ARPP21: variants seen among roughly 807,000 people sequenced by gnomAD.
ARPP21 encodes the protein cAMP-regulated phosphoprotein 21.
In ARPP21, 69 loss-of-function variants were observed where a neutral mutation model predicts 113.2. The observed-to-expected ratio is 0.61, with a 90% CI of 0.50 to 0.74. The LOEUF is 0.74. Among genes scored for constraint, ARPP21 ranks in the 30% least tolerant of loss-of-function variants. The pLI is 0.00. For missense variants in ARPP21, 1,070 were observed against 1,037.4 expected (o/e 1.03, Z -0.43); for synonymous variants, 368 against 375.5 (o/e 0.98, Z 0.23).
At chr3:35,670,630 G>C (rs1404738276) in intron 1 of ARPP21, among the ~76,000 whole-genome samples, 8 of 151,952 alleles carry the variant, frequency 5.3e-5, no homozygotes. Flanking sequence ...GCCACAGATG[G>C]ACCCAGAGCC....
In ARPP21 at chr3:35,781,662, T is replaced by G. The variant is rs140112172; in HGVS notation, c.2138-10720T>G. On this transcript the variant is annotated intron_variant, in intron 19 of 20. Coordinates refer to ENST00000684406, the MANE Select transcript of ARPP21 (RefSeq NM_001385562.1). ...GTTACCAAGGAAAATCATGATCTAG[T>G]TGATTATGTACATGAAAAGAAAGTA... The G allele has an allele frequency of 7.9e-5, 12 of 152,322 alleles. No individual in the cohort carries two copies. In the East Asian group the frequency reaches 2.1e-3, roughly 27 times the overall value. 9.4% of individuals were successfully genotyped at this position (152,322 alleles called of 1,614,324 possible). A position where few individuals can be genotyped will look rare whatever the true frequency, so the allele number is the denominator to read the frequency against.
At chr3:35,659,274 C>T (rs935321789) in intron 1 of ARPP21, among the ~76,000 whole-genome samples, 13 of 152,136 alleles carry the variant, frequency 8.5e-5, no homozygotes, top group Non-Finnish European at 1.5e-4. Context: ...CACTTGTGTT[C>T]TTCATGTAGA....
intron 15 of ARPP21, among the ~76,000 whole-genome samples, chr3:35,730,401 G>A (rs114483986): frequency 3.5e-4 from 54 of 152,314 alleles, no homozygotes; most frequent in African/African-American, 1.3e-3. Flanking sequence ...GGGGAGAAGA[G>A]GGCTGCTATT....
intron 19 of ARPP21, among the ~76,000 whole-genome samples, chr3:35,758,144 C>T (rs1441895352): frequency 1.3e-5 from 2 of 152,042 alleles, no homozygotes; most frequent in Non-Finnish European, 2.9e-5. Flanking sequence ...TAGATCATTG[C>T]CTCATTCATC....
Position 35,717,283 on chromosome 3 carries a change from GT to G in ARPP21, c.936-10del. 6.4e-7 allele frequency: 1 copy of G among 1,551,896 alleles called. No individual in the cohort carries two copies. Among genetic ancestry groups the G allele is most frequent in the Non-Finnish European group, 8.9e-7 (1 of 1,124,204 alleles). On this transcript the variant is annotated splice_polypyrimidine_tract_variant and intron_variant, in intron 12 of 20. Coordinates refer to ENST00000684406, the MANE Select transcript of ARPP21 (RefSeq NM_001385562.1). ...TTAGGTTTTATATCATAAAAATCAT[GT>G]TTTTCATTTCCAGTAGGCTCTTGGA...
At chr3:35,782,117 G>A (rs748475569) in intron 19 of ARPP21, among the ~76,000 whole-genome samples, 12 of 152,264 alleles carry the variant, frequency 7.9e-5, no homozygotes, top group East Asian at 1.9e-4. Context: ...CATTTTGTAC[G>A]TACATATGCT....
intron 17 of ARPP21, among the ~76,000 whole-genome samples, chr3:35,738,752 C>A (rs796851984): frequency 7.9e-5 from 12 of 152,264 alleles, no homozygotes; most frequent in African/African-American, 2.9e-4. Flanking sequence ...CTCAAGTCAC[C>A]AGGTCATTTT....
rs116345301 is a variant in ARPP21 at position 35,703,980 on chromosome 3, A to G, written c.687-2994A>G. ...TTTAATCACTTGCAATACTTCAGGT[A>G]TATGCCTTAGTTTGCATGAGCTTAA... On this transcript the variant is annotated intron_variant, in intron 9 of 20. Coordinates refer to ENST00000684406, the MANE Select transcript of ARPP21 (RefSeq NM_001385562.1). Among the ~76,000 whole-genome samples the G allele has an allele frequency of 4.4e-3, 667 of 152,020 alleles. 7 individuals are homozygous for G. The highest frequency in any genetic ancestry group is 0.015 in the African/African-American group (624 of 41,554).
chr3:35,760,452 A>G (rs568002316), intron 19 of ARPP21, among the ~76,000 whole-genome samples: 1 of 152,110 alleles, frequency 6.6e-6, no homozygotes, highest in South Asian at 2.1e-4. Flanking sequence ...GGGATGCGAG[A>G]TTCTCCAGGG....
chr3:35,653,803 A>C (rs902452123), intron 1 of ARPP21, among the ~76,000 whole-genome samples: 3 of 152,076 alleles, frequency 2.0e-5, no homozygotes, highest in South Asian at 2.1e-4. Context: ...TGAAACTTCT[A>C]AGAATATGTA....
chr3:35,734,536 A>G (rs932945023), intron 15 of ARPP21, among the ~76,000 whole-genome samples: 4 of 152,228 alleles, frequency 2.6e-5, no homozygotes, highest in African/African-American at 9.6e-5. Context: ...TTGCTTCCCC[A>G]TCACAGCACA....
intron 11 of ARPP21, among the ~76,000 whole-genome samples, chr3:35,710,959 G>T (rs770142575): frequency 3.9e-5 from 6 of 152,196 alleles, no homozygotes; most frequent in Non-Finnish European, 8.8e-5. Flanking sequence ...ATGCCCACAT[G>T]CTGTATCAAC....
intron 4 of ARPP21, among the ~76,000 whole-genome samples, chr3:35,683,124 G>A (rs927198000): frequency 6.6e-6 from 1 of 151,656 alleles, no homozygotes; most frequent in East Asian, 2.0e-4. Context: ...GCAAATGTAT[G>A]TATTTGATCC....
intron 19 of ARPP21, among the ~76,000 whole-genome samples, chr3:35,756,131 T>C (rs958485620): frequency 4.6e-5 from 7 of 152,018 alleles, no homozygotes. Flanking sequence ...GATCACAGTT[T>C]TAATCACCCC....
At chr3:35,722,200 C>A (rs1218672661) in intron 14 of ARPP21, among the ~76,000 whole-genome samples, 1 of 152,116 alleles carries the variant, frequency 6.6e-6, no homozygotes, top group Non-Finnish European at 1.5e-5. Context: ...AAATGATTAC[C>A]ATGGCACCTG....
At chr3:35,658,252 T>A (rs2149097989) in intron 1 of ARPP21, among the ~76,000 whole-genome samples, 1 of 152,182 alleles carries the variant, frequency 6.6e-6, no homozygotes, top group East Asian at 1.9e-4. Flanking sequence ...TTTTATGCAG[T>A]TTGACTTTGG....
chr3:35,688,874 A>G (rs570840647), intron 6 of ARPP21, among the ~76,000 whole-genome samples: 4 of 125,446 alleles, frequency 3.2e-5, no homozygotes, highest in Non-Finnish European at 6.7e-5. Context: ...TCATAACAGA[A>G]CATTCATTTT....
chr3:35,700,980 C>G (rs993749196), intron 9 of ARPP21, among the ~76,000 whole-genome samples: 1 of 151,608 alleles, frequency 6.6e-6, no homozygotes, highest in African/African-American at 2.4e-5. Flanking sequence ...ACCTATGTAA[C>G]AAGCCTGCAC....
At chr3:35,689,857 A>G (rs1268565634) in intron 7 of ARPP21, among the ~76,000 whole-genome samples, 2 of 151,630 alleles carry the variant, frequency 1.3e-5, no homozygotes, top group African/African-American at 4.8e-5. Flanking sequence ...AGATATTTCA[A>G]TATACTTAAC....
Sources: gnomAD v4.1 joint callset for allele counts (sites outside exome capture counted in the v4.1 genomes callset) on GRCh38, gnomAD v4.1.1 for gene constraint, MANE v1.5 for transcripts, NCBI Gene and HGNC (gene_info 2026-07-23, HGNC 2026-07-21) for gene names.